KDM3A: variants seen among roughly 807,000 people sequenced by gnomAD.
KDM3A encodes the protein lysine demethylase 3A.
Under a neutral mutation model 158.0 loss-of-function variants are expected in KDM3A, and 60 were observed. That is an observed-to-expected ratio of 0.38 (90% CI 0.31 to 0.47). The LOEUF (loss-of-function observed/expected upper bound fraction) is 0.47. Among genes scored for constraint, KDM3A ranks in the 20% least tolerant of loss-of-function variants. The pLI is 0.99. For synonymous variants in KDM3A, 608 were observed against 549.3 expected, an observed-to-expected ratio of 1.11 and a Z score of -1.49; for missense variants, 1,319 against 1,574.3, an observed-to-expected ratio of 0.84 and a Z score of 2.74.
intron 21 of KDM3A, 71 bp from the exon 22 acceptor site, chr2:86,489,247 A>G (rs2104715459): frequency 6.7e-7 from 1 of 1,494,952 alleles, no homozygotes; most frequent in Non-Finnish European, 9.1e-7. Context: ...ACCATCCCCC[A>G]GGTAGGTAGT....
At chr2:86,472,119 A>G (rs1673444087) in intron 11 of KDM3A, among the ~76,000 whole-genome samples, 1 of 151,332 alleles carries the variant, frequency 6.6e-6, no homozygotes, top group Non-Finnish European at 1.5e-5. Flanking sequence ...TAGGGAAGGG[A>G]TAATTTTTTT....
chr2:86,470,327 AGT>A lies in KDM3A; in HGVS notation c.1646_1647del (p.Cys549SerfsTer9). 6.2e-7 allele frequency: 1 copy of A among 1,614,102 alleles called. No homozygotes were observed. Among genetic ancestry groups the A allele is most frequent in the Non-Finnish European group, 8.5e-7 (1 of 1,179,986 alleles). ...GTGGCACAGTTGCCTAAATGCCGAG[AGT>A]GTCGCTTGGACAGTCTCCGCAAGGA... On this transcript the variant is annotated frameshift_variant, in exon 11 of 26. Coordinates refer to ENST00000312912, the MANE Select transcript of KDM3A (RefSeq NM_018433.6). LOFTEE classifies it high-confidence loss of function.
chr2:86,489,385 T>C lies in KDM3A; in HGVS notation c.3381T>C (p.Ala1127=), dbSNP rs1390555586. 1 of 1,614,028 alleles carries C rather than the reference T, an allele frequency of 6.2e-7. No homozygotes were observed. Among genetic ancestry groups the C allele is most frequent in the Admixed American group, 1.7e-5 (1 of 60,010 alleles). The change falls in exon 22 of 26, where the codon GCT becomes GCC. Residue 1127 remains alanine, a synonymous_variant. Transcript: ENST00000312912. ...TNLHLDVSDA[A]NVMVYVGIPK... ...TTCACTTAGATGTATCTGATGCAGC[T>C]AATGTCATGGTCTATGTGGGAATTC...
intron 11 of KDM3A, among the ~76,000 whole-genome samples, chr2:86,471,334 T>TATA (rs1673397330): frequency 6.6e-6 from 1 of 151,186 alleles, no homozygotes; most frequent in Non-Finnish European, 1.5e-5. Context: ...TGTATGTGTG[T>TATA]ATATATGTAT....
chr2:86,475,003 CTT>C lies in KDM3A; in HGVS notation c.1939+14_1939+15del. On this transcript the variant is annotated intron_variant, in intron 12 of 25. Coordinates refer to ENST00000312912, the MANE Select transcript of KDM3A (RefSeq NM_018433.6). Reference sequence around the variant, plus strand: ...ATTGAGCCACACAGTAAGAGCATCTCTTAGGGGGTAGGATTTTCGAGCCCAAT... The same window carrying C: ...ATTGAGCCACACAGTAAGAGCATCTCAGGGGGTAGGATTTTCGAGCCCAAT... 6.2e-7 allele frequency: 1 copy of C among 1,602,566 alleles called. No homozygotes were observed. Among genetic ancestry groups the C allele is most frequent in the Non-Finnish European group, 8.5e-7 (1 of 1,171,180 alleles).
intron 11 of KDM3A, 34 bp from the exon 12 acceptor site, chr2:86,474,742 T>TGTAA: frequency 1.0e-5 from 11 of 1,083,100 alleles, no homozygotes; most frequent in African/African-American, 1.6e-5. Context: ...TGTGTGTGTG[T>TGTAA]ACATTACATC....
chr2:86,452,561 C>T lies in KDM3A; in HGVS notation c.453+1348C>T, dbSNP rs187064196. On this transcript the variant is annotated intron_variant, in intron 4 of 25. Coordinates refer to ENST00000312912, the MANE Select transcript of KDM3A (RefSeq NM_018433.6). The stretch of plus-strand genomic sequence containing the variant: ...AAATGATGAGAATAGACTGCACACA[C>T]GCATACAAACACACACATTATAATA... Among the ~76,000 whole-genome samples, 53 of 152,246 alleles carry T rather than the reference C, an allele frequency of 3.5e-4. No homozygotes were observed. The East Asian group carries it at 8.5e-3, about 24-fold the overall frequency.
In KDM3A at chr2:86,442,230, G is replaced by C. The variant is rs1340197318; in HGVS notation, c.183G>C (p.Leu61=). ...VSHTDVTKKD[L]KVCVEFDGES... Reference sequence around the variant, plus strand: ...ACACCGACGTTACCAAGAAGGATCTGAAGGTACAGGCGGCTCCGGGCCTCT... The same window carrying C: ...ACACCGACGTTACCAAGAAGGATCTCAAGGTACAGGCGGCTCCGGGCCTCT... Residue 61 remains leucine, a synonymous_variant, in exon 2 of 26, where the codon CTG becomes CTC. Transcript: ENST00000312912. 6.2e-7 allele frequency: 1 copy of C among 1,607,560 alleles called. No individual in the cohort carries two copies. Among genetic ancestry groups the C allele is most frequent in the Non-Finnish European group, 8.5e-7 (1 of 1,175,930 alleles).
intron 8 of KDM3A, 35 bp downstream of exon 8, chr2:86,457,106 C>A: frequency 1.0e-6 from 1 of 976,796 alleles, no homozygotes; most frequent in Non-Finnish European, 1.5e-6. Flanking sequence ...GTAAAGCTTT[C>A]CTTAACTCCA....
At chr2:86,457,645 A>G (rs978314433) in intron 8 of KDM3A, among the ~76,000 whole-genome samples, 2 of 152,200 alleles carry the variant, frequency 1.3e-5, no homozygotes, top group Non-Finnish European at 2.9e-5. Context: ...CTTAAAGGTA[A>G]ATTGAGTTGT....
In KDM3A at chr2:86,489,452, A is replaced by G; in HGVS notation, c.3433+15A>G. 1 of 1,613,216 alleles carries G rather than the reference A, an allele frequency of 6.2e-7. No individual in the cohort carries two copies. The highest frequency in any genetic ancestry group is 1.7e-4 in the Middle Eastern group (1 of 6,054). ...GCAAGAAGAAGGTAGGGTGCTGAGC[A>G]TAAAAGGAGGGCTTACTCTTTGAGC... On this transcript the variant is annotated intron_variant, in intron 22 of 25. Transcript: ENST00000312912.
rs11431031 is a variant in KDM3A, at chr2:86,456,416, AT to A, written c.557-4del. 90,827 of 1,036,040 alleles carry A rather than the reference AT, an allele frequency of 0.088. 5 individuals are homozygous for A. Among genetic ancestry groups the A allele is most frequent in the South Asian group, 0.13 (6,085 of 46,398 alleles). The allele number at this position is 1,036,040 out of a possible 1,614,324, so 64.2% of individuals were successfully genotyped here. A position where few individuals can be genotyped will look rare whatever the true frequency, so the allele number is the denominator to read the frequency against. On this transcript the variant is annotated intron_variant, in intron 5 of 25. Coordinates refer to ENST00000312912, the MANE Select transcript of KDM3A (RefSeq NM_018433.6). Reference sequence around the variant, plus strand: ...GGGAGATAATGCAAATTGCTCTAAGATTTTTTTTTTTTTTTTTTTTTTAAGG... The same window carrying A: ...GGGAGATAATGCAAATTGCTCTAAGATTTTTTTTTTTTTTTTTTTTTAAGG...
At chr2:86,448,645 G>T (rs1683047486) in intron 2 of KDM3A, among the ~76,000 whole-genome samples, 1 of 152,122 alleles carries the variant, frequency 6.6e-6, no homozygotes, top group Non-Finnish European at 1.5e-5. Context: ...ATTGTGCTCT[G>T]ATAGATGAAG....
At chr2:86,441,951 C>T (rs1241758058) in intron 1 of KDM3A, 67 bp from the exon 2 acceptor site, 25 of 1,367,114 alleles carry the variant, frequency 1.8e-5, no homozygotes, top group Admixed American at 5.4e-5. Flanking sequence ...CCCGCCCTCC[C>T]TGCTGTCTCC....
intron 10 of KDM3A, among the ~76,000 whole-genome samples, chr2:86,469,312 T>C (rs908254060): frequency 3.3e-5 from 5 of 152,218 alleles, no homozygotes; most frequent in Admixed American, 2.0e-4. Context: ...CCCCAGAAGC[T>C]GTTGGTTTTT....
chr2:86,444,029 G>T (rs1242379427), intron 2 of KDM3A, among the ~76,000 whole-genome samples: 1 of 152,158 alleles, frequency 6.6e-6, no homozygotes, highest in Non-Finnish European at 1.5e-5. Context: ...GAGACTAGGC[G>T]TTCCCTTCCC....
chr2:86,449,991 C>T (rs1410670042), intron 3 of KDM3A, 29 bp downstream of exon 3: 1 of 1,582,758 alleles, frequency 6.3e-7, no homozygotes, highest in Middle Eastern at 1.7e-4. Context: ...TATTGAACTC[C>T]TGAGAAGAGG....
At chr2:86,446,978 A>G (rs1247847498) in intron 2 of KDM3A, among the ~76,000 whole-genome samples, 1 of 152,042 alleles carries the variant, frequency 6.6e-6, no homozygotes, top group African/African-American at 2.4e-5. Context: ...CTCCTGGTTA[A>G]TTTTTGTATT....
chr2:86,439,790 ACTTTAT>A (rs913567185), upstream of KDM3A, among the ~76,000 whole-genome samples: 25 of 152,112 alleles, frequency 1.6e-4, no homozygotes, highest in Non-Finnish European at 1.6e-4. Flanking sequence ...GTCTTCATGG[ACTTTAT>A]CTTTAATATA....
Sources: gnomAD v4.1 joint callset for allele counts (sites outside exome capture counted in the v4.1 genomes callset) on GRCh38, gnomAD v4.1.1 for gene constraint, MANE v1.5 for transcripts, NCBI Gene and HGNC (gene_info 2026-07-23, HGNC 2026-07-21) for gene names.